Variants in NDST4 observed in about 807,000 individuals in gnomAD.
NDST4 encodes N-heparan sulfate sulfotransferase 4.
A neutral mutation model predicts 100.8 loss-of-function variants in NDST4; 63 were observed. The observed-to-expected ratio is 0.62, with a 90% confidence interval of 0.51 to 0.77. NDST4 has a LOEUF of 0.77. Ranked by LOEUF, NDST4 falls within the 30% of genes least tolerant of loss-of-function variation. The pLI, the probability that NDST4 is intolerant of heterozygous loss-of-function variation, is 0.00. For missense variants in NDST4, 943 were observed against 1,018.4 expected, an observed-to-expected ratio of 0.93 and a Z score of 1.01; for synonymous variants, 377 against 361.8, an observed-to-expected ratio of 1.04 and a Z score of -0.48.
chr4:114,872,243 A>G (rs935267891), intron 6 of NDST4, among the ~76,000 whole-genome samples: 1 of 151,998 alleles, frequency 6.6e-6, no homozygotes, highest in African/African-American at 2.4e-5. Flanking sequence ...TTAAAAAATA[A>G]TAGAAGCATT....
intron 6 of NDST4, among the ~76,000 whole-genome samples, chr4:114,877,841 A>G (rs1724288354): frequency 6.6e-6 from 1 of 152,048 alleles, no homozygotes. Flanking sequence ...ATTCCCAGCT[A>G]CTCAGGAGGC....
chr4:115,014,731 C>A (rs989338456), intron 2 of NDST4, among the ~76,000 whole-genome samples: 2 of 152,120 alleles, frequency 1.3e-5, no homozygotes, highest in South Asian at 4.1e-4. Context: ...GTGATCACAG[C>A]AAAATCCCTT....
At chr4:114,938,593 C>A (rs906126681) in intron 4 of NDST4, among the ~76,000 whole-genome samples, 13 of 152,188 alleles carry the variant, frequency 8.5e-5, no homozygotes, top group Admixed American at 3.3e-4. Context: ...AAACAGAACA[C>A]AAAAGTGTTG....
chr4:115,084,601 C>T (rs749371504), intron 1 of NDST4, among the ~76,000 whole-genome samples: 20 of 152,112 alleles, frequency 1.3e-4, no homozygotes, highest in Non-Finnish European at 2.4e-4. Context: ...TTTGGTGCCC[C>T]GTGCCTCAGG....
chr4:115,003,515 G>T (rs904298786), intron 2 of NDST4, among the ~76,000 whole-genome samples: 6 of 144,560 alleles, frequency 4.2e-5, no homozygotes, highest in African/African-American at 1.5e-4. Flanking sequence ...TGGAAATCTT[G>T]TTGAAGTCAC....
intron 6 of NDST4, among the ~76,000 whole-genome samples, chr4:114,876,631 C>T (rs1192725220): frequency 1.3e-5 from 2 of 152,120 alleles, no homozygotes; most frequent in Non-Finnish European, 2.9e-5. Context: ...TAAATGTCAA[C>T]ATCTATGTTC....
chr4:114,953,098 T>G (rs967966373), intron 4 of NDST4, among the ~76,000 whole-genome samples: 4 of 151,224 alleles, frequency 2.6e-5, no homozygotes, highest in Non-Finnish European at 5.9e-5. Flanking sequence ...TACTTTGCAG[T>G]GCTGCGTGGT....
chr4:114,969,321 GAAAAAAA>G (rs70964334), intron 4 of NDST4, among the ~76,000 whole-genome samples: 31 of 90,752 alleles, frequency 3.4e-4, no homozygotes, highest in African/African-American at 1.2e-3. Flanking sequence ...CTCAAAAAAA[GAAAAAAA>G]AAAAAAAAAA....
intron 3 of NDST4, among the ~76,000 whole-genome samples, chr4:114,971,025 T>C (rs576852426): frequency 6.6e-6 from 1 of 152,182 alleles, no homozygotes; most frequent in South Asian, 2.1e-4. Context: ...AGGCAAGTAA[T>C]ACACAAAGCC....
At chr4:114,900,311 C>T (rs544772299) in intron 6 of NDST4, among the ~76,000 whole-genome samples, 7 of 151,930 alleles carry the variant, frequency 4.6e-5, no homozygotes, top group East Asian at 1.9e-4. Flanking sequence ...TACTGATTTT[C>T]GGTTTACAAT....
At chr4:114,851,514 T>C (rs1723675788) in intron 8 of NDST4, among the ~76,000 whole-genome samples, 1 of 152,008 alleles carries the variant, frequency 6.6e-6, no homozygotes, top group African/African-American at 2.4e-5. Flanking sequence ...GAAAGAAAAA[T>C]AGATTTATAG....
intron 1 of NDST4, among the ~76,000 whole-genome samples, chr4:115,078,177 C>T (rs996758301): frequency 7.2e-5 from 11 of 152,166 alleles, no homozygotes; most frequent in African/African-American, 2.2e-4. Flanking sequence ...TTAATTGGCT[C>T]ACGGTTCTGC....
At chr4:115,068,742 G>A (rs571592164) in intron 2 of NDST4, among the ~76,000 whole-genome samples, 104 of 150,274 alleles carry the variant, frequency 6.9e-4, no homozygotes, top group African/African-American at 2.0e-3. Flanking sequence ...GCACGAACCC[G>A]GAGGTGGAGC....
chr4:114,915,894 A>T (rs1415750993), intron 6 of NDST4, among the ~76,000 whole-genome samples: 1 of 152,092 alleles, frequency 6.6e-6, no homozygotes, highest in African/African-American at 2.4e-5. Context: ...GTAAAAAGAA[A>T]GAAGGAAAAA....
chr4:115,005,440 C>T (rs1727391917), intron 2 of NDST4, among the ~76,000 whole-genome samples: 1 of 151,966 alleles, frequency 6.6e-6, no homozygotes, highest in Non-Finnish European at 1.5e-5. Context: ...GCATATATGG[C>T]AGAAGTGGCA....
At chr4:115,079,179 G>A (rs538707491) in intron 1 of NDST4, among the ~76,000 whole-genome samples, 7 of 151,856 alleles carry the variant, frequency 4.6e-5, no homozygotes, top group South Asian at 4.2e-4. Flanking sequence ...GTGAAACCCC[G>A]TCTCTACTAA....
intron 2 of NDST4, among the ~76,000 whole-genome samples, chr4:115,028,431 G>T (rs1728037496): frequency 6.6e-6 from 1 of 152,124 alleles, no homozygotes; most frequent in South Asian, 2.1e-4. Flanking sequence ...TAACATACAT[G>T]TGATTGCTGA....
chr4:114,849,203 C>G (rs28533489), intron 8 of NDST4, among the ~76,000 whole-genome samples: 2,650 of 152,236 alleles, frequency 0.017, 80 homozygotes, highest in African/African-American at 0.06. Flanking sequence ...AATCTCTGAA[C>G]CTTATTTCCC....
At chr4:114,966,568 G>A (rs279536) in intron 4 of NDST4, among the ~76,000 whole-genome samples, 60,933 of 151,818 alleles carry the variant, frequency 0.4, 13,020 homozygotes, top group African/African-American at 0.55. Context: ...ATGAGAACAA[G>A]TGTGCTTTTG....
Sources: gnomAD v4.1 joint callset for allele counts (sites outside exome capture counted in the v4.1 genomes callset) on GRCh38, gnomAD v4.1.1 for gene constraint, MANE v1.5 for transcripts, NCBI Gene and HGNC (gene_info 2026-07-23, HGNC 2026-07-21) for gene names.